The following IQGAP2 variants were observed in gnomAD, a reference collection of about 807,000 sequenced individuals.
IQGAP2 encodes the protein IQ motif containing GTPase activating protein 2.
Under a neutral mutation model 201.3 loss-of-function variants are expected in IQGAP2, and 173 were observed. That is an observed-to-expected ratio of 0.86 (90% CI 0.76 to 0.98). The LOEUF (loss-of-function observed/expected upper bound fraction) is 0.98, where lower values mean the gene tolerates loss of function less well. Among genes scored for constraint, IQGAP2 ranks in the 50% least tolerant of loss-of-function variants. IQGAP2 has a pLI of 0.00. For synonymous variants in IQGAP2, 675 were observed against 673.9 expected (o/e 1.00, Z -0.03); for missense variants, 1,687 against 1,864.8 (o/e 0.90, Z 1.76).
chr5:76,485,327 C>T (rs1756054916), intron 2 of IQGAP2, among the ~76,000 whole-genome samples: 1 of 152,180 alleles, frequency 6.6e-6, no homozygotes, highest in Non-Finnish European at 1.5e-5. Flanking sequence ...AACATATTCA[C>T]ATATGGCAAA....
At chr5:76,419,826 C>T (rs1274705720) in intron 1 of IQGAP2, among the ~76,000 whole-genome samples, 1 of 152,186 alleles carries the variant, frequency 6.6e-6, no homozygotes, top group Admixed American at 6.5e-5. Context: ...ACCCCTAAAT[C>T]CTTCAGCACA....
intron 1 of IQGAP2, among the ~76,000 whole-genome samples, chr5:76,451,523 A>G (rs1467915877): frequency 2.6e-5 from 4 of 152,130 alleles, no homozygotes. Context: ...GGCATTAGTC[A>G]TCTTCTGATC....
chr5:76,660,859 A>C (rs956020683), intron 21 of IQGAP2, among the ~76,000 whole-genome samples: 1 of 152,210 alleles, frequency 6.6e-6, no homozygotes, highest in African/African-American at 2.4e-5. Flanking sequence ...AACGACCTGA[A>C]GCCCAAAGCA....
At position 76,468,787 on chromosome 5, in the gene IQGAP2, C is replaced by T. The variant is rs139950915; in HGVS notation, c.146+7118C>T. ...GTTTTATTCCCTGTTCCCTCCTGCA[C>T]AGGACCTTGCCATGTGCTATTCGCT... On this transcript the variant is annotated intron_variant, in intron 2 of 35. Transcript: ENST00000274364. Among the ~76,000 whole-genome samples the T allele has an allele frequency of 1.1e-4, 17 of 152,350 alleles. No homozygotes were observed. In the East Asian group the frequency reaches 3.3e-3, roughly 29 times the overall value.
At chr5:76,518,716 A>G (rs556266886) in intron 2 of IQGAP2, among the ~76,000 whole-genome samples, 27 of 152,276 alleles carry the variant, frequency 1.8e-4, no homozygotes, top group Non-Finnish European at 3.1e-4. Context: ...ACCAAACACT[A>G]TTGATGGAGT....
intron 28 of IQGAP2, among the ~76,000 whole-genome samples, chr5:76,682,088 T>C (rs545931594): frequency 6.6e-6 from 1 of 152,296 alleles, no homozygotes; most frequent in East Asian, 1.9e-4. Flanking sequence ...TGCCAATGGG[T>C]ACCCGGTATC....
At chr5:76,436,506 TATATATATA>T (rs1485305297) in intron 1 of IQGAP2, among the ~76,000 whole-genome samples, 12 of 26,334 alleles carry the variant, frequency 4.6e-4, no homozygotes, top group African/African-American at 5.3e-4. Flanking sequence ...TATATATATA[TATATATATA>T]TATTTTTTTT....
intron 33 of IQGAP2, among the ~76,000 whole-genome samples, chr5:76,699,748 TCGTG>T (rs1458318804): frequency 5.0e-4 from 29 of 58,566 alleles, no homozygotes; most frequent in African/African-American, 8.5e-4. Context: ...ACTCTCACTC[TCGTG>T]CTCTCTCTCT....
chr5:76,581,980 G>A (rs1745903438), intron 5 of IQGAP2, among the ~76,000 whole-genome samples: 1 of 152,196 alleles, frequency 6.6e-6, no homozygotes, highest in South Asian at 2.1e-4. Context: ...AAGAACAAAG[G>A]TTAACACAAA....
At position 76,493,059 on chromosome 5, in the gene IQGAP2, A is replaced by G. The variant is rs75096815; in HGVS notation, c.146+31390A>G. On this transcript the variant is annotated intron_variant, in intron 2 of 35. Transcript: ENST00000274364. ...CTGCCTGTGCTGCTCTAGTCACTTA[A>G]CCGGACATCTCCCTGATGCTGTCAA... is the stretch of plus-strand genomic sequence containing the variant. Among the ~76,000 whole-genome samples the G allele has an allele frequency of 1.1e-3, 167 of 152,218 alleles. 5 individuals carry two copies. The East Asian group carries it at 0.026, about 24-fold the overall frequency.
chr5:76,565,527 A>G (rs1744684485), intron 3 of IQGAP2, among the ~76,000 whole-genome samples: 1 of 152,118 alleles, frequency 6.6e-6, no homozygotes, highest in Non-Finnish European at 1.5e-5. Flanking sequence ...CGCCCTCCAC[A>G]CCAGGTCTGA....
At chr5:76,557,730 T>C (rs1433661422) in intron 2 of IQGAP2, among the ~76,000 whole-genome samples, 1 of 152,222 alleles carries the variant, frequency 6.6e-6, no homozygotes, top group African/African-American at 2.4e-5. Flanking sequence ...CATAATGTCA[T>C]AAGAATTAGC....
chr5:76,662,705 A>G (rs974962080), intron 21 of IQGAP2, among the ~76,000 whole-genome samples: 3 of 152,216 alleles, frequency 2.0e-5, no homozygotes, highest in Non-Finnish European at 4.4e-5. Flanking sequence ...CTTCTTATAG[A>G]TAAGGATTAT....
intron 17 of IQGAP2, among the ~76,000 whole-genome samples, chr5:76,649,114 CAAAG>C (rs905430331): frequency 1.3e-5 from 2 of 152,212 alleles, no homozygotes; most frequent in African/African-American, 4.8e-5. Flanking sequence ...AAACAAAAGA[CAAAG>C]AAAATATTTG....
At chr5:76,438,221 CT>C (rs370285759) in intron 1 of IQGAP2, among the ~76,000 whole-genome samples, 9 of 151,694 alleles carry the variant, frequency 5.9e-5, no homozygotes, top group African/African-American at 2.2e-4. Flanking sequence ...GCCCTGGGCT[CT>C]TTTTTCTTTG....
chr5:76,601,548 T>A (rs1012660592), intron 11 of IQGAP2, among the ~76,000 whole-genome samples: 1 of 152,212 alleles, frequency 6.6e-6, no homozygotes, highest in African/African-American at 2.4e-5. Flanking sequence ...TAAAACACTA[T>A]AGCGGATCTT....
intron 20 of IQGAP2, among the ~76,000 whole-genome samples, chr5:76,657,694 A>T (rs183692927): frequency 6.6e-6 from 1 of 152,276 alleles, no homozygotes; most frequent in African/African-American, 2.4e-5. Flanking sequence ...CTCCCTAAGC[A>T]TGTTAAAAAT....
chr5:76,606,517 A>G (rs1747818712), intron 12 of IQGAP2: 5 of 307,772 alleles, frequency 1.6e-5, no homozygotes, highest in Non-Finnish European at 2.4e-5. Flanking sequence ...AGAATTCATA[A>G]TATAATAAAA....
intron 34 of IQGAP2, chr5:76,701,571 C>T (rs935346654): frequency 2.1e-5 from 4 of 193,194 alleles, no homozygotes; most frequent in Non-Finnish European, 4.3e-5. Flanking sequence ...GTGCCAACCC[C>T]TGGATCAGAG....
Sources: allele counts gnomAD v4.1 joint callset (sites outside exome capture counted in the v4.1 genomes callset), GRCh38; gene constraint gnomAD v4.1.1; transcripts MANE v1.5; gene names NCBI Gene and HGNC (gene_info 2026-07-23, HGNC 2026-07-21).